The following FAM177A1 variants were observed in gnomAD, a reference collection of about 807,000 sequenced individuals.
The protein encoded by FAM177A1 is protein FAM177A1.
In FAM177A1, 22 loss-of-function variants were observed where a neutral mutation model predicts 26.1. That is an observed-to-expected ratio of 0.84 (90% CI 0.60 to 1.20). The LOEUF (loss-of-function observed/expected upper bound fraction) is 1.20. Ranked by LOEUF, FAM177A1 falls within the 50% of genes most tolerant of loss-of-function variation. The pLI is 0.00. For missense variants in FAM177A1, 296 were observed against 291.1 expected (o/e 1.02, Z -0.12); for synonymous variants, 95 against 99.3 (o/e 0.96, Z 0.26).
intron 2 of FAM177A1, among the ~76,000 whole-genome samples, 161 bp downstream of exon 2, chr14:35,053,612 G>C (rs1289247424): frequency 6.6e-6 from 1 of 152,100 alleles, no homozygotes; most frequent in Non-Finnish European, 1.5e-5. Context: ...ATTTTTACAT[G>C]ATATGGACGG....
chr14:35,058,068 T>C lies in FAM177A1; in HGVS notation c.339+4617T>C, dbSNP rs182623722. Among the ~76,000 whole-genome samples, 5 of 152,004 alleles carry C rather than the reference T, an allele frequency of 3.3e-5. No homozygotes were observed. The East Asian group carries it at 9.7e-4, about 29-fold the overall frequency. On this transcript the variant is annotated intron_variant, in intron 2 of 4. Transcript: ENST00000280987. Reference sequence around the variant, plus strand: ...TTGTCCTACTTTTTATTATTATTATTATTATCATTATTATTATTTTTCGAG... The same window carrying C: ...TTGTCCTACTTTTTATTATTATTATCATTATCATTATTATTATTTTTCGAG...
At chr14:35,067,249 G>A (rs1215874934) in intron 2 of FAM177A1, among the ~76,000 whole-genome samples, 1 of 152,146 alleles carries the variant, frequency 6.6e-6, no homozygotes, top group Non-Finnish European at 1.5e-5. Context: ...TATGAGTTCA[G>A]TTTTGGATTC....
chr14:35,081,048 G>T lies in FAM177A1; in HGVS notation c.531G>T (p.Arg177Ser). 6.2e-7 allele frequency: 1 copy of T among 1,609,010 alleles called. No individual in the cohort carries two copies. Among genetic ancestry groups the T allele is most frequent in the Non-Finnish European group, 8.5e-7 (1 of 1,177,788 alleles). The change falls in exon 5 of 5, where the codon AGG becomes AGT. Residue 177 changes from arginine (R) to serine (S), a missense_variant. Transcript: ENST00000280987. ...AAGAAGAAGAAGAAGAAGAAAACAG[G>T]ATGTCTGAAGAAGCAGAAAAACAAT... is the stretch of plus-strand genomic sequence containing the variant. ...KEEEEEEEEN[R>S]MSEEAEKQYQ...
In FAM177A1 at chr14:35,046,275, C is replaced by T. The variant is rs943482732; in HGVS notation, c.-189C>T. On this transcript the variant is annotated 5_prime_UTR_variant, in exon 1 of 5. Transcript: ENST00000280987. ...CGAGCCGGTAGTTGCGCCTCCCAGA[C>T]TGCAGTTGGCCAGCTCTCGGGGTGC... is the stretch of plus-strand genomic sequence containing the variant. 7.0e-6 allele frequency: 4 copies of T among 572,028 alleles called. No homozygotes were observed. Among genetic ancestry groups the T allele is most frequent in the Non-Finnish European group, 1.1e-5 (4 of 364,132 alleles). The allele number at this position is 572,028 out of a possible 1,614,324, so 35.4% of individuals were successfully genotyped here. A position where few individuals can be genotyped will look rare whatever the true frequency, so the allele number is the denominator to read the frequency against.
chr14:35,064,489 G>GA (rs1445301276), intron 2 of FAM177A1, among the ~76,000 whole-genome samples: 1 of 152,174 alleles, frequency 6.6e-6, no homozygotes, highest in Non-Finnish European at 1.5e-5. Flanking sequence ...CTGAAGCTGA[G>GA]AGAGGACATT....
rs777330252 is a variant in FAM177A1, at chr14:35,053,265, A to G, written c.166-13A>G. 1.3e-6 allele frequency: 2 copies of G among 1,585,736 alleles called. No homozygotes were observed. The highest frequency in any genetic ancestry group is 1.7e-6 in the Non-Finnish European group (2 of 1,170,766). ...CACTTGAAACTCATTTTCTTAAAAT[A>G]TCGTTGATATAGATGAGTAACGAAA... On this transcript the variant is annotated splice_polypyrimidine_tract_variant and intron_variant, in intron 1 of 4. Coordinates refer to ENST00000280987, the MANE Select transcript of FAM177A1 (RefSeq NM_173607.5).
chr14:35,079,078 TG>T (rs1327147145), intron 4 of FAM177A1, 54 bp downstream of exon 4: 52 of 1,369,986 alleles, frequency 3.8e-5, no homozygotes, highest in Non-Finnish European at 2.8e-5. Flanking sequence ...ATGGACTTGA[TG>T]GGTTGCATAA....
chr14:35,083,004 A>C lies in FAM177A1; in HGVS notation c.*1776A>C, dbSNP rs1036738665. 1.3e-5 allele frequency: 2 copies of C among 152,224 alleles called. No homozygotes were observed. The highest frequency in any genetic ancestry group is 4.8e-5 in the African/African-American group (2 of 41,454). The allele number at this position is 152,224 out of a possible 1,614,324, so 9.4% of individuals were successfully genotyped here. A position where few individuals can be genotyped will look rare whatever the true frequency, so the allele number is the denominator to read the frequency against. ...TAAAATATTAATCTTTTGATTATAT[A>C]ATGTCCCATGAATTATAGTTTACCA... On this transcript the variant is annotated 3_prime_UTR_variant, in exon 5 of 5. Coordinates refer to ENST00000280987, the MANE Select transcript of FAM177A1 (RefSeq NM_173607.5).
At chr14:35,051,600 T>C (rs2044972209) in intron 1 of FAM177A1, among the ~76,000 whole-genome samples, 1 of 151,868 alleles carries the variant, frequency 6.6e-6, no homozygotes, top group South Asian at 2.1e-4. Context: ...TTTAGTAAAG[T>C]TGGGGTTTTG....
chr14:35,058,654 T>A (rs1566669069), intron 2 of FAM177A1, among the ~76,000 whole-genome samples: 1 of 152,084 alleles, frequency 6.6e-6, no homozygotes, highest in Non-Finnish European at 1.5e-5. Context: ...GCAGAAGGAT[T>A]TCTTGAGCCC....
chr14:35,074,529 T>G (rs2045366774), intron 2 of FAM177A1, among the ~76,000 whole-genome samples: 1 of 151,820 alleles, frequency 6.6e-6, no homozygotes, highest in Non-Finnish European at 1.5e-5. Flanking sequence ...TTTCTCCATG[T>G]TGGTCAGGCT....
intron 2 of FAM177A1, among the ~76,000 whole-genome samples, chr14:35,058,281 G>A (rs2045093948): frequency 6.6e-6 from 1 of 151,982 alleles, no homozygotes; most frequent in Non-Finnish European, 1.5e-5. Context: ...GGCCAGGATG[G>A]TCTCGATCTC....
In FAM177A1 at chr14:35,077,581, C is replaced by T. The variant is rs1183244168; in HGVS notation, c.406+365C>T. ...CACTGCAAGCTCCGCTTCCCGGGTT[C>T]ACGCCATTCGCCTGCCTCAGCCTCC... On this transcript the variant is annotated intron_variant, in intron 3 of 4. Coordinates refer to ENST00000280987, the MANE Select transcript of FAM177A1 (RefSeq NM_173607.5). Among the ~76,000 whole-genome samples the T allele has an allele frequency of 3.4e-5, 5 of 146,632 alleles. No individual in the cohort carries two copies. In the Admixed American group the frequency reaches 3.5e-4, roughly 10 times the overall value.
intron 1 of FAM177A1, among the ~76,000 whole-genome samples, chr14:35,051,276 C>T (rs994171910): frequency 2.0e-5 from 3 of 151,932 alleles, no homozygotes; most frequent in African/African-American, 4.8e-5. Context: ...CGTGCCACCA[C>T]GCCCAGCTAA....
chr14:35,052,202 G>A (rs1281646444), intron 1 of FAM177A1, among the ~76,000 whole-genome samples: 1 of 151,788 alleles, frequency 6.6e-6, no homozygotes, highest in African/African-American at 2.4e-5. Flanking sequence ...ACAATTGTAT[G>A]TACTGTACCT....
At chr14:35,057,672 G>A (rs1037882977) in intron 2 of FAM177A1, among the ~76,000 whole-genome samples, 8 of 151,942 alleles carry the variant, frequency 5.3e-5, no homozygotes, top group East Asian at 1.9e-4. Context: ...GAGCCACTGC[G>A]CCCAGCCTAT....
At position 35,053,259 on chromosome 14, in the gene FAM177A1, TA is replaced by T. The variant is rs777571433; in HGVS notation, c.166-15del. The T allele has an allele frequency of 6.0e-5, 95 of 1,581,934 alleles. No homozygotes were observed. The Middle Eastern group carries it at 1.3e-3, about 22-fold the overall frequency. The stretch of plus-strand genomic sequence containing the variant: ...TAATCTCACTTGAAACTCATTTTCT[TA>T]AAATATCGTTGATATAGATGAGTAA... On this transcript the variant is annotated intron_variant, in intron 1 of 4. Transcript: ENST00000280987.
chr14:35,080,969 A>G lies in FAM177A1; in HGVS notation c.505-53A>G. On this transcript the variant is annotated intron_variant, in intron 4 of 4. Coordinates refer to ENST00000280987, the MANE Select transcript of FAM177A1 (RefSeq NM_173607.5). ...GACAGTGGGGAAAACAGCACTATAT[A>G]CCTTTTGGACTTTCGTATTTCAACT... is the stretch of plus-strand genomic sequence containing the variant. The G allele has an allele frequency of 5.3e-6, 8 of 1,510,878 alleles. No individual in the cohort carries two copies. The South Asian group carries it at 6.5e-5, about 12-fold the overall frequency. 93.6% of individuals were successfully genotyped at this position (1,510,878 alleles called of 1,614,324 possible).
At position 35,081,157 on chromosome 14, in the gene FAM177A1, A is replaced by G. The variant is rs750895223; in HGVS notation, c.640A>G (p.Asn214Asp). 4 of 1,613,626 alleles carry G rather than the reference A, an allele frequency of 2.5e-6. No individual in the cohort carries two copies. The highest frequency in any genetic ancestry group is 2.2e-5 in the South Asian group (2 of 91,062). The change falls in exon 5 of 5, where the codon AAT becomes GAT. Residue 214 changes from asparagine (N) to aspartate (D), a missense_variant. Coordinates refer to ENST00000280987, the MANE Select transcript of FAM177A1 (RefSeq NM_173607.5). ...GATATCCAGCTCATTTGTGAATGTC[A>G]ATTTTGAAATGGAGGGAGACAGTGA... ...TVISSSFVNV[N>D]FEMEGDSEVI... is the part of the protein sequence containing the mutation.
Sources: allele counts gnomAD v4.1 joint callset (sites outside exome capture counted in the v4.1 genomes callset), GRCh38; gene constraint gnomAD v4.1.1; transcripts MANE v1.5; gene names NCBI Gene and HGNC (gene_info 2026-07-23, HGNC 2026-07-21).